The following WBP2NL variants were observed in gnomAD, a reference collection of about 807,000 sequenced individuals.
WBP2NL encodes WBP2 N-terminal like.
WBP2NL carries 27 observed loss-of-function variants against 23.3 expected under a neutral mutation model. That is an observed-to-expected ratio of 1.16 (90% CI 0.85 to 1.60). The LOEUF (loss-of-function observed/expected upper bound fraction) is 1.60. Among genes scored for constraint, WBP2NL ranks in the 40% most tolerant of loss-of-function variants. The pLI, the probability that WBP2NL is intolerant of heterozygous loss-of-function variation, is 0.00. For synonymous variants in WBP2NL, 151 were observed against 145.9 expected, an observed-to-expected ratio of 1.03 and a Z score of -0.25; for missense variants, 370 against 389.5, an observed-to-expected ratio of 0.95 and a Z score of 0.42.
intron 8 of WBP2NL, among the ~76,000 whole-genome samples, chr22:42,047,269 CAAAA>C (rs140516534): frequency 2.2e-4 from 22 of 101,472 alleles, no homozygotes; most frequent in African/African-American, 4.3e-4. Context: ...TTTTCAAGCT[CAAAA>C]AAAAAAAAAA....
rs555984819 is a variant in WBP2NL at position 42,023,116 on chromosome 22, G to A, written c.514+760G>A. Among the ~76,000 whole-genome samples, 4 of 152,060 alleles carry A rather than the reference G, an allele frequency of 2.6e-5. No homozygotes were observed. The East Asian group carries it at 7.7e-4, about 29-fold the overall frequency. On this transcript the variant is annotated intron_variant, in intron 5 of 5. Transcript: ENST00000328823. ...TGTGTACAATTCAGTGGTATTTAGT[G>A]TAAAATTTAGCAGTATTTGACGTAT...
In WBP2NL at chr22:42,001,638, G is replaced by A. The variant is rs529541543; in HGVS notation, c.62+2758G>A. ...GATGCCAGATTCCCTGCAAAGTAGC[G>A]CCAAAACTGGGATCTCTTGTCCACA... On this transcript the variant is annotated intron_variant, in intron 1 of 5. Coordinates refer to ENST00000328823, the MANE Select transcript of WBP2NL (RefSeq NM_152613.3). The A allele has an allele frequency of 1.4e-4, 156 of 1,152,140 alleles. No homozygotes were observed. The Middle Eastern group carries it at 2.6e-3, about 19-fold the overall frequency. 71.4% of individuals were successfully genotyped at this position (1,152,140 alleles called of 1,614,324 possible).
At chr22:42,001,709 A>G in intron 1 of WBP2NL, 1 of 1,221,330 alleles carries the variant, frequency 8.2e-7, no homozygotes, top group African/African-American at 1.5e-5. Flanking sequence ...GGTGAAGTTA[A>G]GAGCCTGGGT....
At chr22:42,006,095 T>G (rs905169901) in intron 1 of WBP2NL, among the ~76,000 whole-genome samples, 1 of 152,216 alleles carries the variant, frequency 6.6e-6, no homozygotes, top group African/African-American at 2.4e-5. Flanking sequence ...AGAGTTCTTC[T>G]CCACCATGAC....
intron 1 of WBP2NL, among the ~76,000 whole-genome samples, chr22:42,010,347 A>G (rs1922689648): frequency 6.6e-6 from 1 of 152,174 alleles, no homozygotes; most frequent in Admixed American, 6.5e-5. Context: ...ACTATGTCGA[A>G]TAGAAGTGGT....
downstream of WBP2NL, among the ~76,000 whole-genome samples, chr22:42,034,232 G>T (rs565665701): frequency 6.6e-6 from 1 of 152,234 alleles, no homozygotes; most frequent in Non-Finnish European, 1.5e-5. Context: ...AGGGGGTATC[G>T]GGGGACCTGC....
intron 8 of WBP2NL, among the ~76,000 whole-genome samples, chr22:42,051,400 T>C (rs1925833607): frequency 6.6e-6 from 1 of 152,172 alleles, no homozygotes; most frequent in Admixed American, 6.5e-5. Flanking sequence ...GCAGTGAAAC[T>C]ATTCTGTATG....
downstream of WBP2NL, among the ~76,000 whole-genome samples, chr22:42,036,251 T>G (rs778733350): frequency 6.6e-6 from 1 of 152,190 alleles, no homozygotes; most frequent in Non-Finnish European, 1.5e-5. Context: ...CTGGGCTCAC[T>G]GCAAGCTCTG....
chr22:42,053,424 A>G (rs1049023703), intron 8 of WBP2NL, among the ~76,000 whole-genome samples: 8 of 151,920 alleles, frequency 5.3e-5, no homozygotes, highest in African/African-American at 1.2e-4. Flanking sequence ...ATGACTAACA[A>G]TGTAACATGG....
chr22:42,027,337 T>G lies in WBP2NL; in HGVS notation c.*156T>G. 1.1e-6 allele frequency: 1 copy of G among 928,502 alleles called. No homozygotes were observed. The highest frequency in any genetic ancestry group is 1.5e-6 in the Non-Finnish European group (1 of 656,086). The allele number at this position is 928,502 out of a possible 1,614,324, so 57.5% of individuals were successfully genotyped here. ...GCAATCTTATGGGGGAAGGTGAAAC[T>G]TTACTTCTGTGCCTAGATTTTAGAA... On this transcript the variant is annotated 3_prime_UTR_variant, in exon 6 of 6. Transcript: ENST00000328823.
In WBP2NL at chr22:42,019,790, G is replaced by A; in HGVS notation, c.300G>A (p.Gln100=). 1 of 1,614,164 alleles carries A rather than the reference G, an allele frequency of 6.2e-7. No homozygotes were observed. The highest frequency in any genetic ancestry group is 1.3e-5 in the African/African-American group (1 of 75,022). Residue 100 remains glutamine (Q), a synonymous_variant, in exon 3 of 6, where the codon CAG becomes CAA. Transcript: ENST00000328823. ...FAANFIKGTI[Q]AAPYGGWEGQ... ...CAAACTTCATTAAGGGAACTATTCA[G>A]GCAGCTCCATATGGTAAGTGTTCCC...
chr22:42,022,829 G>A (rs1312794352), intron 5 of WBP2NL, among the ~76,000 whole-genome samples: 3 of 152,168 alleles, frequency 2.0e-5, no homozygotes, highest in Non-Finnish European at 2.9e-5. Context: ...CTGCCTACTG[G>A]TGGGCCACCA....
chr22:42,024,652 C>T (rs1468774661), intron 5 of WBP2NL, among the ~76,000 whole-genome samples: 2 of 151,896 alleles, frequency 1.3e-5, no homozygotes, highest in Non-Finnish European at 2.9e-5. Context: ...CTGTCCAAGT[C>T]TTTTGCCTAT....
downstream of WBP2NL, among the ~76,000 whole-genome samples, chr22:42,028,849 A>T (rs562181987): frequency 1.3e-5 from 2 of 152,392 alleles, no homozygotes; most frequent in Admixed American, 1.3e-4. Context: ...GAAAGTCAGG[A>T]GACATAGGAC....
At chr22:42,013,775 A>G (rs1923053237) in intron 1 of WBP2NL, among the ~76,000 whole-genome samples, 1 of 151,644 alleles carries the variant, frequency 6.6e-6, no homozygotes, top group Non-Finnish European at 1.5e-5. Context: ...ACACCTGACT[A>G]AATTTTTAAT....
chr22:42,022,570 T>G (rs1407873151), intron 5 of WBP2NL, among the ~76,000 whole-genome samples: 1 of 152,194 alleles, frequency 6.6e-6, no homozygotes, highest in Non-Finnish European at 1.5e-5. Flanking sequence ...TTTAATGATA[T>G]ATACAAACCT....
intron 1 of WBP2NL, chr22:42,001,428 C>A (rs1805617472): frequency 3.3e-5 from 27 of 820,982 alleles, no homozygotes; most frequent in South Asian, 2.4e-4. Context: ...ATACCCTGCA[C>A]AGACACGTTA....
chr22:42,011,285 G>T (rs556181214), intron 1 of WBP2NL, among the ~76,000 whole-genome samples: 1 of 151,882 alleles, frequency 6.6e-6, no homozygotes, highest in Non-Finnish European at 1.5e-5. Flanking sequence ...TTCTCACTCT[G>T]TCACCCTGTC....
At chr22:42,007,775 C>T (rs1182949442) in intron 1 of WBP2NL, among the ~76,000 whole-genome samples, 1 of 152,150 alleles carries the variant, frequency 6.6e-6, no homozygotes, top group African/African-American at 2.4e-5. Flanking sequence ...TATGTATGTG[C>T]CACATTTTGT....
Sources: gnomAD v4.1 joint callset for allele counts (sites outside exome capture counted in the v4.1 genomes callset) on GRCh38, gnomAD v4.1.1 for gene constraint, MANE v1.5 for transcripts, NCBI Gene and HGNC (gene_info 2026-07-23, HGNC 2026-07-21) for gene names.